SYTL3: variants seen among roughly 807,000 people sequenced by gnomAD.
SYTL3 encodes the protein synaptotagmin-like protein 3.
SYTL3 carries 88 observed loss-of-function variants against 82.1 expected under a neutral mutation model. The ratio of observed to expected loss-of-function variants is 1.07; its 90% CI spans 0.90 to 1.28. The LOEUF (loss-of-function observed/expected upper bound fraction) is 1.28. SYTL3 is among the 50% of genes most tolerant of loss of function. The probability of loss-of-function intolerance (pLI) is 0.00; values close to 1 mark genes in which losing one functional copy is unlikely to be tolerated. For missense variants in SYTL3, 831 were observed against 757.6 expected, an observed-to-expected ratio of 1.10 and a Z score of -1.14; for synonymous variants, 311 against 289.4, an observed-to-expected ratio of 1.07 and a Z score of -0.76.
chr6:158,652,556 T>A (rs1788151768), intron 2 of SYTL3, among the ~76,000 whole-genome samples: 1 of 148,574 alleles, frequency 6.7e-6, no homozygotes, highest in South Asian at 2.1e-4. Flanking sequence ...GCCTTATTTA[T>A]TTTTTTGAGA....
intron 11 of SYTL3, among the ~76,000 whole-genome samples, chr6:158,743,598 C>CTTT (rs397887964): frequency 0.065 from 4,068 of 63,052 alleles, 933 homozygotes; most frequent in Non-Finnish European, 0.087. Context: ...CCAGTCCAAG[C>CTTT]TTTTTTTTTT....
intron 2 of SYTL3, among the ~76,000 whole-genome samples, chr6:158,654,317 T>C (rs190246187): frequency 9.1e-4 from 138 of 152,316 alleles, no homozygotes; most frequent in African/African-American, 3.2e-3. Flanking sequence ...TCTCACTTCT[T>C]TTTAGATCCT....
chr6:158,700,256 CAT>C (rs962117352), intron 6 of SYTL3, among the ~76,000 whole-genome samples: 71 of 152,112 alleles, frequency 4.7e-4, no homozygotes, highest in African/African-American at 1.7e-3. Flanking sequence ...AACTCTGTCT[CAT>C]AAATAAATAA....
intron 8 of SYTL3, among the ~76,000 whole-genome samples, chr6:158,711,199 T>C (rs1268842086): frequency 1.3e-5 from 2 of 152,220 alleles, no homozygotes; most frequent in African/African-American, 4.8e-5. Context: ...TTTAAACTTT[T>C]ACCATTCATT....
intron 13 of SYTL3, among the ~76,000 whole-genome samples, chr6:158,753,886 A>T (rs1788735439): frequency 6.6e-6 from 1 of 151,874 alleles, no homozygotes; most frequent in Non-Finnish European, 1.5e-5. Flanking sequence ...CTTTCCAGTT[A>T]CAATTAAAAT....
intron 11 of SYTL3, among the ~76,000 whole-genome samples, chr6:158,732,761 A>T (rs1785575456): frequency 6.6e-6 from 1 of 152,162 alleles, no homozygotes; most frequent in Admixed American, 6.5e-5. Flanking sequence ...ACCCTTATTC[A>T]TCTCCAAGTG....
At chr6:158,676,643 T>C (rs1356945493) in intron 5 of SYTL3, among the ~76,000 whole-genome samples, 1 of 152,124 alleles carries the variant, frequency 6.6e-6, no homozygotes, top group African/African-American at 2.4e-5. Context: ...AGAAAATTTT[T>C]GCAACCTACT....
At chr6:158,727,469 C>G (rs941985380) in intron 11 of SYTL3, among the ~76,000 whole-genome samples, 5 of 152,182 alleles carry the variant, frequency 3.3e-5, no homozygotes, top group African/African-American at 1.2e-4. Flanking sequence ...CCGCACCCGG[C>G]CTAGAACTTT....
At chr6:158,656,218 C>T (rs1033374563) in intron 2 of SYTL3, among the ~76,000 whole-genome samples, 1 of 152,172 alleles carries the variant, frequency 6.6e-6, no homozygotes, top group Non-Finnish European at 1.5e-5. Context: ...ACACAACTCC[C>T]CTCTTCTCCC....
Position 158,700,867 on chromosome 6 carries a change from T to C in SYTL3, c.395-6363T>C, listed in dbSNP as rs561348410. 7.4e-4 allele frequency among the ~76,000 whole-genome samples: 112 copies of C among 151,806 alleles called. No individual in the cohort carries two copies. The South Asian group carries it at 0.013, about 17-fold the overall frequency. Reference sequence around the variant, plus strand: ...TCCTGACCTCATGATCTGCCCTCCTTGGCCTCCCAAGGTGCTGGGATTACA... The same window carrying C: ...TCCTGACCTCATGATCTGCCCTCCTCGGCCTCCCAAGGTGCTGGGATTACA... On this transcript the variant is annotated intron_variant, in intron 6 of 17. Coordinates refer to ENST00000611299, the MANE Select transcript of SYTL3 (RefSeq NM_001242394.2).
At chr6:158,731,538 C>A (rs1016374488) in intron 11 of SYTL3, among the ~76,000 whole-genome samples, 1 of 151,944 alleles carries the variant, frequency 6.6e-6, no homozygotes, top group Non-Finnish European at 1.5e-5. Flanking sequence ...GGCCATTGTT[C>A]CAAAGTTATC....
At chr6:158,654,712 C>T (rs1788458091) in intron 2 of SYTL3, among the ~76,000 whole-genome samples, 1 of 152,148 alleles carries the variant, frequency 6.6e-6, no homozygotes, top group South Asian at 2.1e-4. Context: ...GGCCAGTCTC[C>T]CAGAGATGAA....
intron 6 of SYTL3, among the ~76,000 whole-genome samples, chr6:158,684,092 C>T (rs997610703): frequency 7.2e-5 from 11 of 152,134 alleles, no homozygotes; most frequent in East Asian, 1.9e-4. Flanking sequence ...CGTGGGTTTA[C>T]GGAAATACCC....
intron 5 of SYTL3, among the ~76,000 whole-genome samples, chr6:158,673,312 T>C (rs1017435074): frequency 2.0e-5 from 3 of 152,106 alleles, no homozygotes; most frequent in Non-Finnish European, 2.9e-5. Context: ...AGGGCCGTTC[T>C]TTTGAGCTGC....
At chr6:158,718,027 C>T (rs1783626349) in intron 9 of SYTL3, 60 bp from the exon 10 acceptor site, 11 of 1,438,100 alleles carry the variant, frequency 7.6e-6, no homozygotes, top group Non-Finnish European at 1.0e-5. Context: ...AGAAGAGGCT[C>T]CCACAAGTCT....
intron 10 of SYTL3, among the ~76,000 whole-genome samples, chr6:158,719,492 C>G (rs953071130): frequency 6.6e-6 from 1 of 152,114 alleles, no homozygotes; most frequent in African/African-American, 2.4e-5. Flanking sequence ...TGGGATCTGG[C>G]GAAGTCTATG....
chr6:158,754,968 A>T (rs886950087), intron 13 of SYTL3, among the ~76,000 whole-genome samples: 1 of 152,152 alleles, frequency 6.6e-6, no homozygotes, highest in African/African-American at 2.4e-5. Flanking sequence ...ACTAACTGAT[A>T]AGGAGTGTAG....
chr6:158,655,372 G>T (rs1788558514), intron 2 of SYTL3, among the ~76,000 whole-genome samples: 1 of 152,128 alleles, frequency 6.6e-6, no homozygotes, highest in Non-Finnish European at 1.5e-5. Flanking sequence ...TATTCTTCAG[G>T]TTTCTCAATT....
intron 8 of SYTL3, among the ~76,000 whole-genome samples, chr6:158,713,148 C>T (rs1324041876): frequency 2.0e-5 from 3 of 151,986 alleles, no homozygotes. Flanking sequence ...AGAGTCGTTC[C>T]AGTACCTACG....
Sources: allele counts gnomAD v4.1 joint callset (sites outside exome capture counted in the v4.1 genomes callset), GRCh38; gene constraint gnomAD v4.1.1; transcripts MANE v1.5; gene names NCBI Gene and HGNC (gene_info 2026-07-23, HGNC 2026-07-21).